NHSL3: variants seen among roughly 807,000 people sequenced by gnomAD.
The protein encoded by NHSL3 is NHS-like protein 3.
the NHSL3 span, chr1:32,769,667 C>T: frequency 2.5e-6 from 4 of 1,608,690 alleles, no homozygotes; most frequent in East Asian, 2.2e-5. Context: ...CACGACTGGC[C>T]CCCAGGCTCC....
chr1:32,753,983 C>G, the NHSL3 span: 1 of 375,824 alleles, frequency 2.7e-6, no homozygotes, highest in African/African-American at 2.2e-5. Context: ...TGGGGGCGCC[C>G]GCGGTGCCCG....
the NHSL3 span, chr1:32,765,636 C>G: frequency 2.0e-6 from 3 of 1,529,932 alleles, no homozygotes; most frequent in Admixed American, 5.9e-5. Context: ...CCTCCTCTGT[C>G]TGGAGCCGGT....
chr1:32,770,854 G>A, the NHSL3 span: 1 of 1,608,320 alleles, frequency 6.2e-7, no homozygotes, highest in Non-Finnish European at 8.5e-7. This position sits in a 1 kb window ranked among gnomAD's most constrained non-coding sequence, Gnocchi z 8.3. Flanking sequence ...CAACAGCTGG[G>A]TACCTGGCTT....
chr1:32,767,980 T>TC, the NHSL3 span: 4 of 1,611,204 alleles, frequency 2.5e-6, no homozygotes, highest in Non-Finnish European at 3.4e-6. Flanking sequence ...TCCACTCCCC[T>TC]CCCCTCTCCT....
chr1:32,744,462 A>AACTC, the NHSL3 span, among the ~76,000 whole-genome samples: 2 of 152,176 alleles, frequency 1.3e-5, no homozygotes, highest in Non-Finnish European at 2.9e-5. Context: ...GATTTGACCA[A>AACTC]ACGGATTTAA....
At chr1:32,759,691 C>G in the NHSL3 span, among the ~76,000 whole-genome samples, 1 of 152,174 alleles carries the variant, frequency 6.6e-6, no homozygotes, top group South Asian at 2.1e-4. Context: ...GGGTGCAGAG[C>G]CCCTACTTTC....
At chr1:32,748,821 A>G in the NHSL3 span, among the ~76,000 whole-genome samples, 1 of 152,132 alleles carries the variant, frequency 6.6e-6, no homozygotes, top group Non-Finnish European at 1.5e-5. Flanking sequence ...CTCAATAAGA[A>G]TGTGACATTT....
At chr1:32,742,017 C>G in the NHSL3 span, 8 of 1,237,906 alleles carry the variant, frequency 6.5e-6, no homozygotes, top group Non-Finnish European at 8.1e-6. Flanking sequence ...CGGGCGGCCC[C>G]CCGCGCAGGA....
At chr1:32,755,432 G>C in the NHSL3 span, among the ~76,000 whole-genome samples, 16 of 152,278 alleles carry the variant, frequency 1.1e-4, no homozygotes, top group South Asian at 2.1e-4. Context: ...CTCCATGGAG[G>C]GGGTGGTGGA....
chr1:32,765,763 C>G, the NHSL3 span: 4 of 1,547,628 alleles, frequency 2.6e-6, no homozygotes, highest in South Asian at 3.6e-5. Context: ...GAGTGGCGCC[C>G]GCAGTCATGG....
the NHSL3 span, among the ~76,000 whole-genome samples, chr1:32,765,980 T>A: frequency 7.2e-5 from 11 of 152,172 alleles, no homozygotes; most frequent in East Asian, 1.7e-3. Flanking sequence ...GGCTGTGCTT[T>A]TGTCCAGCCG....
At chr1:32,768,592 A>G in the NHSL3 span, 234 of 1,591,856 alleles carry the variant, frequency 1.5e-4, no homozygotes, top group African/African-American at 1.1e-3. Flanking sequence ...TCTCAAAAAA[A>G]AGTTCCAATG....
At chr1:32,771,061 T>G in the NHSL3 span, 1 of 1,611,186 alleles carries the variant, frequency 6.2e-7, no homozygotes, top group Non-Finnish European at 8.5e-7. Flanking sequence ...CTCCGTCTCC[T>G]CTTCCCTCAC....
chr1:32,757,490 C>A, the NHSL3 span, among the ~76,000 whole-genome samples: 9 of 151,836 alleles, frequency 5.9e-5, no homozygotes, highest in African/African-American at 9.7e-5. Context: ...AGAGACACTT[C>A]GGAGGAAGTG....
At chr1:32,746,188 G>A in the NHSL3 span, among the ~76,000 whole-genome samples, 18 of 140,954 alleles carry the variant, frequency 1.3e-4, no homozygotes, top group African/African-American at 4.5e-4. Context: ...CCGAGATCGC[G>A]TCACTGCACT....
At chr1:32,756,076 C>T in the NHSL3 span, among the ~76,000 whole-genome samples, 2 of 152,146 alleles carry the variant, frequency 1.3e-5, no homozygotes, top group Non-Finnish European at 2.9e-5. Flanking sequence ...GCTTCCAGTT[C>T]CTGCTGCAAC....
At chr1:32,764,930 C>G in the NHSL3 span, among the ~76,000 whole-genome samples, 1,062 of 152,312 alleles carry the variant, frequency 7.0e-3, 5 homozygotes, top group Non-Finnish European at 1.0e-2. Flanking sequence ...TTCTGTTCTC[C>G]CTGCCTGGTG....
chr1:32,765,823 G>A, the NHSL3 span: 21 of 1,546,744 alleles, frequency 1.4e-5, no homozygotes, highest in African/African-American at 4.1e-5. Flanking sequence ...TGTTTAAGAA[G>A]AAGGGTGAGT....
At chr1:32,772,249 C>G in the NHSL3 span, 1 of 1,603,766 alleles carries the variant, frequency 6.2e-7, no homozygotes, top group South Asian at 1.1e-5. Flanking sequence ...GGCTCCCCCA[C>G]CTGTGGCCCG....
Sources: gnomAD v4.1 joint callset for allele counts (sites outside exome capture counted in the v4.1 genomes callset) on GRCh38, gnomAD v4.1.1 for gene constraint, Gnocchi (gnomAD v3.1) non-coding constraint, MANE v1.5 for transcripts, NCBI Gene and HGNC (gene_info 2026-07-23, HGNC 2026-07-21) for gene names.